Variants in VWF observed in about 807,000 individuals in gnomAD.
VWF encodes von Willebrand factor, also known as Factor VIII related antigen.
VWF carries 176 observed loss-of-function variants against 308.6 expected under a neutral mutation model. That is an observed-to-expected ratio of 0.57 (90% CI 0.50 to 0.65). VWF has a LOEUF of 0.65. Ranked by LOEUF, VWF falls within the 30% of genes least tolerant of loss-of-function variation. The probability of loss-of-function intolerance (pLI) is 0.00; values close to 1 mark genes in which losing one functional copy is unlikely to be tolerated. For missense variants in VWF, 3,146 were observed against 3,648.2 expected, an observed-to-expected ratio of 0.86 and a Z score of 3.55; for synonymous variants, 1,385 against 1,443.4, an observed-to-expected ratio of 0.96 and a Z score of 0.92.
intron 34 of VWF, among the ~76,000 whole-genome samples, chr12:5,997,606 G>A (rs1943820388): frequency 6.6e-6 from 1 of 152,186 alleles, no homozygotes; most frequent in South Asian, 2.1e-4. Flanking sequence ...AGAATTAGTT[G>A]CAATATAGAT....
chr12:6,090,449 C>T (rs186633429), intron 6 of VWF, among the ~76,000 whole-genome samples: 5 of 152,230 alleles, frequency 3.3e-5, no homozygotes, highest in Admixed American at 2.6e-4. Context: ...GTTATAGTTG[C>T]GAGGGGGAAG....
chr12:5,997,547 T>A (rs147764161), intron 34 of VWF, among the ~76,000 whole-genome samples: 1 of 152,292 alleles, frequency 6.6e-6, no homozygotes, highest in Non-Finnish European at 1.5e-5. Flanking sequence ...TCCTCTCCTA[T>A]CTCCTCTGCA....
intron 42 of VWF, among the ~76,000 whole-genome samples, chr12:5,980,909 C>T (rs911544867): frequency 1.3e-5 from 2 of 152,200 alleles, no homozygotes; most frequent in Non-Finnish European, 1.5e-5. Context: ...GCCACTTTCG[C>T]GCCCTTCACT....
chr12:6,058,964 G>C lies in VWF; in HGVS notation c.1534-920C>G, dbSNP rs1944625697. 6.6e-6 allele frequency among the ~76,000 whole-genome samples: 1 copy of C among 152,186 alleles called. No individual in the cohort carries two copies. The highest frequency in any genetic ancestry group is 2.1e-4 in the South Asian group (1 of 4,826). On this transcript the variant is annotated intron_variant, in intron 13 of 51. Transcript: ENST00000261405. This position sits in a 1 kb window ranked among gnomAD's most constrained non-coding sequence, Gnocchi z 4.9. ...AGGAGTCCTGACTCCCTCTCCGCAT[G>C]TCATTACCAAGGTGGGATGACCTCC...
chr12:5,963,142 T>C (rs1943338605), intron 47 of VWF, among the ~76,000 whole-genome samples: 2 of 152,124 alleles, frequency 1.3e-5, no homozygotes, highest in Non-Finnish European at 2.9e-5. Flanking sequence ...TTTATCGAAA[T>C]TAAACTTCTG....
At position 6,095,471 on chromosome 12, in the gene VWF, C is replaced by T. The variant is rs767837153; in HGVS notation, c.646G>A (p.Glu216Lys). ...CAGTCCACACCCACCTTCTGCATTT[C>T]CCCAGAGGAGATGTTGCATGAGCTG... is the stretch of plus-strand genomic sequence containing the variant. ...PSSSCNISSG[E>K]MQKGLWEQCQ... is the part of the protein sequence containing the mutation. The change falls in exon 6 of 52, where the codon GAA (glutamate) becomes AAA (lysine). Residue 216 changes from glutamate (E) to lysine (K), a missense_variant. By Grantham distance (56) the Glu-to-Lys change is moderately conservative. Transcript: ENST00000261405. 30 of 1,613,992 alleles carry T rather than the reference C, an allele frequency of 1.9e-5. No individual in the cohort carries two copies. In the East Asian group the frequency reaches 6.0e-4, roughly 32 times the overall value.
At chr12:5,960,890 C>G (rs1468347748) in intron 47 of VWF, among the ~76,000 whole-genome samples, 4 of 152,210 alleles carry the variant, frequency 2.6e-5, no homozygotes, top group African/African-American at 7.2e-5. Flanking sequence ...CTGTTAGGAA[C>G]TGGGCTGCAC....
Position 5,976,266 on chromosome 12 carries a change from G to C in VWF, c.7288-6C>G, listed in dbSNP as rs1295092805. ...GTGCTTCGGTGGACACACACCTGTA[G>C]ACATAAGTTTTCGTGAGTGAACTCA... On this transcript the variant is annotated splice_polypyrimidine_tract_variant and splice_region_variant and intron_variant, in intron 42 of 51. Coordinates refer to ENST00000261405, the MANE Select transcript of VWF (RefSeq NM_000552.5). 1 of 1,614,138 alleles carries C rather than the reference G, an allele frequency of 6.2e-7. No homozygotes were observed. The highest frequency in any genetic ancestry group is 8.5e-7 in the Non-Finnish European group (1 of 1,180,032).
chr12:6,032,749 C>T (rs1944282313), intron 20 of VWF, among the ~76,000 whole-genome samples: 2 of 151,980 alleles, frequency 1.3e-5, no homozygotes, highest in South Asian at 4.1e-4. Context: ...CACACACATA[C>T]ACCCAAATAC....
chr12:6,082,242 G>A (rs1375471791), intron 6 of VWF, among the ~76,000 whole-genome samples: 1 of 152,158 alleles, frequency 6.6e-6, no homozygotes, highest in Admixed American at 6.5e-5. Flanking sequence ...TGGGATTGCA[G>A]GCGTGAGCCA....
intron 32 of VWF, among the ~76,000 whole-genome samples, chr12:6,013,175 C>T (rs1195173437): frequency 6.6e-6 from 1 of 152,164 alleles, no homozygotes; most frequent in Non-Finnish European, 1.5e-5. Context: ...CTTATGTCTT[C>T]TGATTCTTTT....
At chr12:5,999,322 G>C (rs1421696555) in intron 34 of VWF, among the ~76,000 whole-genome samples, 1 of 152,110 alleles carries the variant, frequency 6.6e-6, no homozygotes, top group Non-Finnish European at 1.5e-5. Flanking sequence ...GAAAAGCATA[G>C]TTTCAAGGGG....
intron 22 of VWF, among the ~76,000 whole-genome samples, chr12:6,028,671 G>A (rs898244236): frequency 1.4e-4 from 21 of 152,140 alleles, no homozygotes; most frequent in Non-Finnish European, 2.9e-4. Flanking sequence ...AGCTTCATAA[G>A]TGAAAGAGAA....
intron 3 of VWF, among the ~76,000 whole-genome samples, chr12:6,116,555 C>T (rs1215183138): frequency 6.6e-6 from 1 of 152,224 alleles, no homozygotes. Context: ...ACTCAGCAGG[C>T]TGTTGGTTGT....
Position 6,013,557 on chromosome 12 carries a change from C to T in VWF, c.5544G>A (p.Val1848=). The change falls in exon 32 of 52, where the codon GTG becomes GTA. Residue 1848 remains valine (V), a synonymous_variant. Coordinates refer to ENST00000261405, the MANE Select transcript of VWF (RefSeq NM_000552.5). ...ILAGPAGDSN[V]VKLQRIEDLP... is the part of the protein sequence containing the mutation. ...GGTCTTCGATTCGCTGGAGCTTCAC[C>T]ACGTTGGAGTCGCCTGCTGGGCCTG... The T allele has an allele frequency of 6.2e-7, 1 of 1,614,054 alleles. No individual in the cohort carries two copies. Among genetic ancestry groups the T allele is most frequent in the Non-Finnish European group, 8.5e-7 (1 of 1,179,984 alleles).
rs2286608 is a variant in VWF, at chr12:6,123,260, G to A, written c.1-64C>T. 0.58 allele frequency: 927,737 copies of A among 1,591,138 alleles called. 279,431 individuals carry two copies. Among genetic ancestry groups the A allele is most frequent in the Non-Finnish European group, 0.64 (738,201 of 1,159,934 alleles). On this transcript the variant is annotated intron_variant, in intron 1 of 51. Coordinates refer to ENST00000261405, the MANE Select transcript of VWF (RefSeq NM_000552.5). ...CCAGGTAGGCGGCTGCTGGTGTGGC[G>A]ACTATCAGGGCATGCAGTAGCAAAA...
intron 3 of VWF, among the ~76,000 whole-genome samples, chr12:6,120,594 T>C (rs112949890): frequency 8.5e-5 from 13 of 152,268 alleles, no homozygotes; most frequent in Admixed American, 2.6e-4. Context: ...TGAGCCACCG[T>C]GCCCGGCCTC....
At chr12:6,055,246 C>A (rs1565846074) in intron 15 of VWF, among the ~76,000 whole-genome samples, 8 of 152,146 alleles carry the variant, frequency 5.3e-5, no homozygotes, top group Non-Finnish European at 1.2e-4. Context: ...ATTAAGAAAT[C>A]CTGCGGATGC....
At chr12:6,048,358 G>T (rs1389800429) in intron 16 of VWF, among the ~76,000 whole-genome samples, 2 of 151,972 alleles carry the variant, frequency 1.3e-5, no homozygotes, top group Non-Finnish European at 2.9e-5. Flanking sequence ...AGTAGAGACG[G>T]GGTTTCCCCA....
Sources: allele counts gnomAD v4.1 joint callset (sites outside exome capture counted in the v4.1 genomes callset), GRCh38; gene constraint gnomAD v4.1.1; non-coding constraint Gnocchi (gnomAD v3.1); transcripts MANE v1.5; gene names NCBI Gene and HGNC (gene_info 2026-07-23, HGNC 2026-07-21).